The following PTPRF variants were observed in gnomAD, a reference collection of about 807,000 sequenced individuals.
PTPRF encodes receptor-type tyrosine-protein phosphatase F.
A neutral mutation model predicts 201.8 loss-of-function variants in PTPRF; 59 were observed. That is an observed-to-expected ratio of 0.29 (90% CI 0.24 to 0.36). The LOEUF (loss-of-function observed/expected upper bound fraction) is 0.36. Ranked by LOEUF, PTPRF falls within the 10% of genes least tolerant of loss-of-function variation. The pLI is 1.00. For synonymous variants in PTPRF, 1,088 were observed against 1,089.7 expected, an observed-to-expected ratio of 1.00 and a Z score of 0.03; for missense variants, 2,132 against 2,690.5, an observed-to-expected ratio of 0.79 and a Z score of 4.59.
In PTPRF at chr1:43,603,724, T is replaced by C; in HGVS notation, c.2572T>C (p.Cys858Arg). Reference sequence around the variant, plus strand: ...GCTGCTGGGCTACCGGCTGCAGTACTGCCGGGCCGACGAGGCGCGGCCCAA... The same window carrying C: ...GCTGCTGGGCTACCGGCTGCAGTACCGCCGGGCCGACGAGGCGCGGCCCAA... ...GELLGYRLQY[C>R]RADEARPNTI... Residue 858 changes from cysteine (C) to arginine (R), a missense_variant, in exon 16 of 34, where the codon TGC (cysteine) becomes CGC (arginine). Physicochemically the swap from Cys to Arg is radical, Grantham distance 180. Transcript: ENST00000359947. The surrounding 1 kb of genome is among the most constrained non-coding windows in gnomAD (Gnocchi z 5.8). 3 of 1,613,760 alleles carry C rather than the reference T, an allele frequency of 1.9e-6. No homozygotes were observed. The highest frequency in any genetic ancestry group is 1.3e-5 in the African/African-American group (1 of 75,060).
At chr1:43,582,284 G>C (rs1440976377) in intron 7 of PTPRF, among the ~76,000 whole-genome samples, 2 of 152,254 alleles carry the variant, frequency 1.3e-5, no homozygotes, top group Non-Finnish European at 2.9e-5. Flanking sequence ...TCGGCTACTA[G>C]TCAGTAGCCT....
chr1:43,611,521 C>T (rs1041737288), intron 22 of PTPRF, among the ~76,000 whole-genome samples: 1 of 152,124 alleles, frequency 6.6e-6, no homozygotes, highest in East Asian at 1.9e-4. Context: ...GTCAAAAGGA[C>T]CTTGAATGTC....
Position 43,597,899 on chromosome 1 carries a change from G to A in PTPRF, c.1965G>A (p.Gly655=). The change falls in exon 12 of 34, where the codon GGG becomes GGA. Residue 655 remains glycine, a synonymous_variant. Transcript: ENST00000359947. ...AYEAVDGEDR[G]RHVVDGISRE... ...AGGCGGTGGACGGCGAGGACCGCGGGCGGCATGTGGTGGATGGCATCAGCC... is the reference window on the plus strand; with the variant it reads ...AGGCGGTGGACGGCGAGGACCGCGGACGGCATGTGGTGGATGGCATCAGCC... The A allele has an allele frequency of 6.2e-7, 1 of 1,605,312 alleles. No individual in the cohort carries two copies.
chr1:43,587,585 C>T (rs1649481438), intron 7 of PTPRF, among the ~76,000 whole-genome samples: 1 of 152,162 alleles, frequency 6.6e-6, no homozygotes, highest in South Asian at 2.1e-4. Flanking sequence ...AGTGGAGATG[C>T]TCCTTATGTG....
chr1:43,574,436 AT>A (rs1436386296), intron 6 of PTPRF, among the ~76,000 whole-genome samples: 1 of 152,154 alleles, frequency 6.6e-6, no homozygotes, highest in Admixed American at 6.5e-5. Context: ...AAAAATAGTT[AT>A]TTTTTTAAAA....
chr1:43,590,103 A>G (rs1650274403), intron 8 of PTPRF, among the ~76,000 whole-genome samples: 1 of 152,146 alleles, frequency 6.6e-6, no homozygotes, highest in Non-Finnish European at 1.5e-5. Context: ...GTCACGCGCC[A>G]GCTGTCCAGA....
At chr1:43,527,094 T>A (rs2153942910), upstream of PTPRF, among the ~76,000 whole-genome samples, 1 of 152,326 alleles carries the variant, frequency 6.6e-6, no homozygotes, top group South Asian at 2.1e-4. Context: ...ATTTACGTCA[T>A]GAGTTGCAGA....
At chr1:43,614,524 A>G (rs1657249583) in intron 23 of PTPRF, among the ~76,000 whole-genome samples, 1 of 152,108 alleles carries the variant, frequency 6.6e-6, no homozygotes, top group Non-Finnish European at 1.5e-5. Flanking sequence ...CCCATCTAGG[A>G]AGGGGATTTG....
intron 7 of PTPRF, among the ~76,000 whole-genome samples, chr1:43,581,056 G>T (rs1021958356): frequency 2.6e-5 from 4 of 152,226 alleles, no homozygotes; most frequent in Non-Finnish European, 4.4e-5. Flanking sequence ...GGTCTCTTTG[G>T]AGATCGACTG....
At chr1:43,613,736 A>G in intron 23 of PTPRF, 21 bp downstream of exon 23, 1 of 1,603,904 alleles carries the variant, frequency 6.2e-7, no homozygotes, top group East Asian at 2.2e-5. Context: ...CCCGCCCCCT[A>G]CCATGTGCCT....
At chr1:43,609,236 C>T in intron 21 of PTPRF, 147 bp from the exon 22 acceptor site, 1 of 647,418 alleles carries the variant, frequency 1.5e-6, no homozygotes, top group Non-Finnish European at 2.7e-6. Context: ...GGCCCTGGCT[C>T]CTCCGCGCTC....
intron 23 of PTPRF, among the ~76,000 whole-genome samples, chr1:43,616,006 A>T (rs1255278825): frequency 1.3e-5 from 2 of 152,072 alleles, no homozygotes; most frequent in African/African-American, 4.8e-5. Flanking sequence ...AGCATTGAAT[A>T]TGTGACTCTG....
At chr1:43,558,027 C>T (rs1645515206) in intron 5 of PTPRF, among the ~76,000 whole-genome samples, 1 of 152,150 alleles carries the variant, frequency 6.6e-6, no homozygotes, top group East Asian at 1.9e-4. Flanking sequence ...AGCTGGGTGC[C>T]TGCAGGAACT....
At chr1:43,601,935 C>CT (rs1314143583) in intron 13 of PTPRF, 136 bp from the exon 14 acceptor site, 1 of 935,012 alleles carries the variant, frequency 1.1e-6, no homozygotes, top group African/African-American at 1.6e-5. Context: ...TTCTGGGGTG[C>CT]TACCCCCATG....
At chr1:43,580,116 C>A (rs545024502) in intron 7 of PTPRF, 3 of 150,144 alleles carry the variant, frequency 2.0e-5, no homozygotes, top group East Asian at 1.9e-4. Flanking sequence ...TAAAGGAAAG[C>A]GGACATGGCT....
Position 43,603,807 on chromosome 1 carries a change from G to A in PTPRF, c.2655G>A (p.Gly885=). 1.9e-6 allele frequency: 3 copies of A among 1,614,120 alleles called. No individual in the cohort carries two copies. The highest frequency in any genetic ancestry group is 1.7e-6 in the Non-Finnish European group (2 of 1,180,040). The change falls in exon 16 of 34, where the codon GGG becomes GGA. Residue 885 remains glycine, a synonymous_variant. Coordinates refer to ENST00000359947, the MANE Select transcript of PTPRF (RefSeq NM_002840.5). This position sits in a 1 kb window ranked among gnomAD's most constrained non-coding sequence, Gnocchi z 5.8. The part of the protein sequence containing the change: ...QHFTVTGLHK[G]TTYIFRLAAK... ...TCACAGTCACCGGCCTGCACAAGGGGACCACCTACATCTTCCGGCTTGCTG... is the reference window on the plus strand; with the variant it reads ...TCACAGTCACCGGCCTGCACAAGGGAACCACCTACATCTTCCGGCTTGCTG...
chr1:43,618,653 A>G lies in PTPRF; in HGVS notation c.4395A>G (p.Pro1465=), dbSNP rs998731201. Residue 1465 remains proline (P), a synonymous_variant, in exon 26 of 34, where the codon CCA becomes CCG. Coordinates refer to ENST00000359947, the MANE Select transcript of PTPRF (RefSeq NM_002840.5). ...AGGTAAAATGTGATCAGTACTGGCCAGCCCGTGGCACCGAGACCTGTGGCC... is the reference window on the plus strand; with the variant it reads ...AGGTAAAATGTGATCAGTACTGGCCGGCCCGTGGCACCGAGACCTGTGGCC... ...KSRVKCDQYW[P]ARGTETCGLI... 2 of 1,612,110 alleles carry G rather than the reference A, an allele frequency of 1.2e-6. No individual in the cohort carries two copies. The highest frequency in any genetic ancestry group is 1.3e-5 in the African/African-American group (1 of 75,004).
rs1658811690 is a variant in PTPRF at position 43,620,037 on chromosome 1, A to AG, written c.5112-54dup. 1.2e-5 allele frequency: 19 copies of AG among 1,608,458 alleles called. 1 individual carries two copies. In the South Asian group the frequency reaches 1.9e-4, roughly 16 times the overall value. On this transcript the variant is annotated intron_variant, in intron 29 of 33. Transcript: ENST00000359947. ...GGGCCCCAAGGGGCTAGGCAGCCTA[A>AG]GGGGAGACTCTAGGGGCAGCAGCAC...
At chr1:43,555,766 A>G (rs1018008127) in intron 5 of PTPRF, among the ~76,000 whole-genome samples, 5 of 152,170 alleles carry the variant, frequency 3.3e-5, no homozygotes, top group Non-Finnish European at 7.3e-5. Context: ...CTTAATGGCT[A>G]TGGGTAAGCT....
Sources: gnomAD v4.1 joint callset for allele counts (sites outside exome capture counted in the v4.1 genomes callset) on GRCh38, gnomAD v4.1.1 for gene constraint, Gnocchi (gnomAD v3.1) non-coding constraint, MANE v1.5 for transcripts, NCBI Gene and HGNC (gene_info 2026-07-23, HGNC 2026-07-21) for gene names.